The following VGLL4 variants were observed in gnomAD, a reference collection of about 807,000 sequenced individuals.
VGLL4 encodes the protein vestigial like family member 4.
In VGLL4, 7 loss-of-function variants were observed where a neutral mutation model predicts 21.0. That is an observed-to-expected ratio of 0.33 (90% CI 0.19 to 0.63). The LOEUF is 0.63. VGLL4 is among the 20% of genes least tolerant of loss of function. The pLI is 0.78. For missense variants in VGLL4, 394 were observed against 425.7 expected, an observed-to-expected ratio of 0.93 and a Z score of 0.66; for synonymous variants, 222 against 173.2, an observed-to-expected ratio of 1.28 and a Z score of -2.21.
chr3:11,661,008 T>C (rs1389700058), intron 2 of VGLL4, among the ~76,000 whole-genome samples: 2 of 152,130 alleles, frequency 1.3e-5, no homozygotes, highest in African/African-American at 2.4e-5. Flanking sequence ...TGGGGCTGAA[T>C]TGTAGGATTA....
chr3:11,635,775 TGCACATAAGGTTTATAC>T (rs2125322793), intron 1 of VGLL4, among the ~76,000 whole-genome samples: 1 of 152,366 alleles, frequency 6.6e-6, no homozygotes, highest in African/African-American at 2.4e-5. Flanking sequence ...GCTAGAAAAC[TGCACATAAGGTTTATAC>T]TGAGAATGAC....
chr3:11,628,074 A>G (rs6807423), intron 1 of VGLL4, among the ~76,000 whole-genome samples: 29,571 of 152,204 alleles, frequency 0.19, 4,285 homozygotes, highest in African/African-American at 0.4. Context: ...CTGGATCATT[A>G]TACAACATAA....
intron 2 of VGLL4, among the ~76,000 whole-genome samples, chr3:11,677,899 C>T (rs1167532241): frequency 1.8e-5 from 2 of 111,974 alleles, no homozygotes; most frequent in Non-Finnish European, 3.6e-5. Flanking sequence ...CAGAGCAAGA[C>T]TTCGTCTTTC....
chr3:11,711,497 G>A (rs1186452282), intron 1 of VGLL4, among the ~76,000 whole-genome samples: 2 of 151,858 alleles, frequency 1.3e-5, no homozygotes, highest in Non-Finnish European at 2.9e-5. Flanking sequence ...AACCCGGGAG[G>A]CAGAGCTTGC....
In VGLL4 at chr3:11,630,244, ATAAG is replaced by A. The variant is rs1398927003; in HGVS notation, c.82+13189_82+13192del. Reference sequence around the variant, plus strand: ...CAACAGTGTCATAATAGGCATTCCAATAAGTAATGAATTACAAGTTAACAATGAG... The same window carrying A: ...CAACAGTGTCATAATAGGCATTCCAATAATGAATTACAAGTTAACAATGAG... On this transcript the variant is annotated intron_variant, in intron 1 of 4. Coordinates refer to ENST00000430365, the MANE Select transcript of VGLL4 (RefSeq NM_001128219.3). Among the ~76,000 whole-genome samples the A allele has an allele frequency of 2.6e-5, 4 of 152,378 alleles. No homozygotes were observed. The East Asian group carries it at 7.7e-4, about 29-fold the overall frequency.
chr3:11,574,899 C>G (rs934367495), intron 2 of VGLL4, among the ~76,000 whole-genome samples: 1 of 150,308 alleles, frequency 6.7e-6, no homozygotes, highest in African/African-American at 2.4e-5. Context: ...GGAAAAAGAG[C>G]CCCATCTTAT....
chr3:11,655,245 C>T (rs9849441), intron 2 of VGLL4, among the ~76,000 whole-genome samples: 21,655 of 152,214 alleles, frequency 0.14, 1,740 homozygotes, highest in African/African-American at 0.21. Flanking sequence ...TAGCTACCCA[C>T]GTAATTTTTG....
chr3:11,665,173 G>A (rs2076101316), intron 2 of VGLL4, among the ~76,000 whole-genome samples: 1 of 139,140 alleles, frequency 7.2e-6, no homozygotes, highest in African/African-American at 2.8e-5. Context: ...CAGTGCAGTG[G>A]CGCCATCTCG....
chr3:11,585,613 A>G (rs1461232310), intron 2 of VGLL4, among the ~76,000 whole-genome samples: 2 of 152,180 alleles, frequency 1.3e-5, no homozygotes, highest in Admixed American at 1.3e-4. Flanking sequence ...CATGAATAAG[A>G]TACTGGATTT....
At chr3:11,713,710 G>A (rs1299737276) in intron 1 of VGLL4, among the ~76,000 whole-genome samples, 4 of 151,732 alleles carry the variant, frequency 2.6e-5, no homozygotes, top group African/African-American at 4.8e-5. Context: ...GCAGGAGGGA[G>A]GTCTACAGGC....
At position 11,653,111 on chromosome 3, in the gene VGLL4, T is replaced by A. The variant is rs2075901472; in HGVS notation, c.64+49860A>T. 6.6e-6 allele frequency among the ~76,000 whole-genome samples: 1 copy of A among 152,220 alleles called. No individual in the cohort carries two copies. On this transcript the variant is annotated intron_variant, in intron 2 of 5. Coordinates refer to the VGLL4 transcript ENST00000273038. The surrounding 1 kb of genome is among the most constrained non-coding windows in gnomAD (Gnocchi z 4.2). ...GGGCTAAGTTCGCTGCTAGCCCCAA[T>A]GTGTGACCCAACTTCATTTCACAGG...
chr3:11,587,094 C>T (rs1207813876), intron 2 of VGLL4, among the ~76,000 whole-genome samples: 4 of 152,186 alleles, frequency 2.6e-5, no homozygotes, highest in African/African-American at 9.7e-5. Flanking sequence ...AAGAGACTTT[C>T]AAGGCAAGGC....
At chr3:11,590,836 A>G (rs11707256) in intron 2 of VGLL4, among the ~76,000 whole-genome samples, 119,441 of 152,014 alleles carry the variant, frequency 0.79, 47,601 homozygotes, top group Non-Finnish European at 0.86. Flanking sequence ...ATGTGACACA[A>G]GCAAATAATT....
intron 2 of VGLL4, among the ~76,000 whole-genome samples, chr3:11,581,078 T>TTA (rs2074210219): frequency 6.8e-6 from 1 of 146,942 alleles, no homozygotes; most frequent in Non-Finnish European, 1.5e-5. Context: ...TTTTTTTTTT[T>TTA]AAAAAAAAAG....
chr3:11,638,604 G>A (rs1292455134), intron 1 of VGLL4, among the ~76,000 whole-genome samples: 8 of 151,800 alleles, frequency 5.3e-5, no homozygotes, highest in Non-Finnish European at 1.2e-4. Context: ...AAAAGCTAAA[G>A]TAAAATGACT....
chr3:11,704,395 A>G (rs1234014773), intron 1 of VGLL4, among the ~76,000 whole-genome samples: 1 of 150,530 alleles, frequency 6.6e-6, no homozygotes, highest in Non-Finnish European at 1.5e-5. Context: ...AAAAAAAAAA[A>G]AAAAAAAAAA....
At chr3:11,594,859 G>A (rs1004540456) in intron 2 of VGLL4, among the ~76,000 whole-genome samples, 1 of 152,168 alleles carries the variant, frequency 6.6e-6, no homozygotes, top group African/African-American at 2.4e-5. Context: ...TCCATGATGT[G>A]TCATTGAAAA....
chr3:11,568,766 G>A lies in VGLL4; in HGVS notation c.273-3747C>T, dbSNP rs915260443. 3.3e-6 allele frequency: 5 copies of A among 1,497,846 alleles called. No individual in the cohort carries two copies. The highest frequency in any genetic ancestry group is 2.6e-5 in the South Asian group (2 of 75,540). The allele number at this position is 1,497,846 out of a possible 1,614,324, so 92.8% of individuals were successfully genotyped here. ...GCATCCTGCCCGGGAGATGGAAGTC[G>A]CCTCCGCTCCTGGTCAGGACTGTGC... is the stretch of plus-strand genomic sequence containing the variant. On this transcript the variant is annotated intron_variant, in intron 2 of 4. Transcript: ENST00000430365. The surrounding 1 kb of genome is among the most constrained non-coding windows in gnomAD (Gnocchi z 5.9).
chr3:11,582,594 G>A (rs2074259787), intron 2 of VGLL4, among the ~76,000 whole-genome samples: 1 of 152,182 alleles, frequency 6.6e-6, no homozygotes, highest in African/African-American at 2.4e-5. Context: ...AAATAGATTT[G>A]CTGTCAGAAT....
Sources: allele counts gnomAD v4.1 joint callset (sites outside exome capture counted in the v4.1 genomes callset), GRCh38; gene constraint gnomAD v4.1.1; non-coding constraint Gnocchi (gnomAD v3.1); transcripts MANE v1.5; gene names NCBI Gene and HGNC (gene_info 2026-07-23, HGNC 2026-07-21).